Variants in UGGT2 observed in about 807,000 individuals in gnomAD.
UGGT2 encodes the protein UDP-glucose glycoprotein glucosyltransferase 2, also known as UDP-glucose:glycoprotein glucosyltransferase 2.
A neutral mutation model predicts 192.1 loss-of-function variants in UGGT2; 180 were observed. That is an observed-to-expected ratio of 0.94 (90% confidence interval 0.83 to 1.06). The LOEUF (loss-of-function observed/expected upper bound fraction) is 1.06. UGGT2 is among the 50% of genes least tolerant of loss of function. The pLI is 0.00. For missense variants in UGGT2, 1,849 were observed against 1,795.7 expected, an observed-to-expected ratio of 1.03 and a Z score of -0.54; for synonymous variants, 580 against 591.0, an observed-to-expected ratio of 0.98 and a Z score of 0.27.
At chr13:95,918,333 G>A (rs1054616153) in intron 20 of UGGT2, among the ~76,000 whole-genome samples, 1 of 152,144 alleles carries the variant, frequency 6.6e-6, no homozygotes, top group Non-Finnish European at 1.5e-5. Context: ...TGAAACTAAT[G>A]AGAACAAAGA....
intron 31 of UGGT2, 44 bp from the exon 32 acceptor site, chr13:95,860,927 G>T: frequency 1.6e-6 from 2 of 1,240,506 alleles, no homozygotes; most frequent in Non-Finnish European, 2.2e-6. Context: ...CATACATATG[G>T]AAACATTGTA....
intron 37 of UGGT2, among the ~76,000 whole-genome samples, chr13:95,836,608 A>G (rs916565101): frequency 1.3e-5 from 2 of 152,120 alleles, no homozygotes; most frequent in African/African-American, 2.4e-5. Flanking sequence ...AGACAGTGCT[A>G]TATGGTCACC....
At chr13:96,001,723 CAG>C (rs2051811409) in intron 5 of UGGT2, among the ~76,000 whole-genome samples, 2 of 152,110 alleles carry the variant, frequency 1.3e-5, no homozygotes, top group African/African-American at 2.4e-5. Flanking sequence ...TTACAAGAAA[CAG>C]ATATTTTATA....
chr13:95,887,982 G>C lies in UGGT2; in HGVS notation c.2959-11C>G, dbSNP rs1460403636. On this transcript the variant is annotated splice_polypyrimidine_tract_variant and intron_variant, in intron 25 of 38. Coordinates refer to ENST00000376747, the MANE Select transcript of UGGT2 (RefSeq NM_020121.4). Reference sequence around the variant, plus strand: ...AATCTTGCCAAGTACCTATTGGAAAGAAATTCCCATGTTTGATATTAAATA... The same window carrying C: ...AATCTTGCCAAGTACCTATTGGAAACAAATTCCCATGTTTGATATTAAATA... The C allele has an allele frequency of 2.6e-6, 4 of 1,561,476 alleles. No homozygotes were observed. The highest frequency in any genetic ancestry group is 4.5e-5 in the East Asian group (2 of 44,310).
intron 38 of UGGT2, among the ~76,000 whole-genome samples, chr13:95,830,807 T>C (rs1323678373): frequency 6.6e-6 from 1 of 152,226 alleles, no homozygotes. Flanking sequence ...TAAATCATGC[T>C]GCTATAAAGA....
intron 1 of UGGT2, among the ~76,000 whole-genome samples, chr13:96,042,178 T>C (rs1375908304): frequency 1.3e-5 from 2 of 152,268 alleles, no homozygotes; most frequent in East Asian, 1.9e-4. Context: ...AAGAGACCCA[T>C]AGACAGTTCA....
At chr13:95,909,682 G>T (rs1174200628) in intron 20 of UGGT2, among the ~76,000 whole-genome samples, 2 of 147,102 alleles carry the variant, frequency 1.4e-5, no homozygotes, top group Non-Finnish European at 3.0e-5. Context: ...CAGCGCACCA[G>T]CATGGCACAT....
At chr13:95,914,887 C>T (rs76767057) in intron 20 of UGGT2, among the ~76,000 whole-genome samples, 3,888 of 151,998 alleles carry the variant, frequency 0.026, 58 homozygotes, top group Non-Finnish European at 0.034. Context: ...ACTGATAGTT[C>T]TGATATAGAC....
In UGGT2 at chr13:95,932,311, T is replaced by TTGTGTGTGTGTGTGTGTG. The variant is rs67135742; in HGVS notation, c.1977+4595_1977+4612dup. Among the ~76,000 whole-genome samples, 204 of 139,500 alleles carry TTGTGTGTGTGTGTGTGTG rather than the reference T, an allele frequency of 1.5e-3. 2 individuals carry two copies. The highest frequency in any genetic ancestry group is 2.4e-3 in the Non-Finnish European group (159 of 65,222). The allele number at this position is 139,500 out of a possible 152,430, so 91.5% of individuals were successfully genotyped here. A position where few individuals can be genotyped will look rare whatever the true frequency, so the allele number is the denominator to read the frequency against. On this transcript the variant is annotated intron_variant, in intron 17 of 38. Coordinates refer to ENST00000376747, the MANE Select transcript of UGGT2 (RefSeq NM_020121.4). ...TTAGCTGTATTCCTAGGTATTTTAT[T>TTGTGTGTGTGTGTGTGTG]TGTGTGTGTGTGTGTGTGTGTGTGT...
At chr13:95,968,726 T>C (rs912104338) in intron 12 of UGGT2, among the ~76,000 whole-genome samples, 5 of 152,064 alleles carry the variant, frequency 3.3e-5, no homozygotes, top group Non-Finnish European at 1.5e-5. Flanking sequence ...TCAAGTAAAC[T>C]TCTTTTTTTT....
At chr13:95,902,789 C>T in intron 21 of UGGT2, 65 bp downstream of exon 21, 2 of 1,458,814 alleles carry the variant, frequency 1.4e-6, no homozygotes, top group African/African-American at 1.4e-5. Flanking sequence ...ACAATATCTC[C>T]AAATACACTC....
intron 4 of UGGT2, among the ~76,000 whole-genome samples, chr13:96,016,400 C>T (rs964355216): frequency 9.2e-5 from 14 of 152,192 alleles, no homozygotes; most frequent in Admixed American, 2.0e-4. Context: ...TCATACACTC[C>T]AAGGCCTAAA....
chr13:95,956,947 T>C (rs1370598310), intron 12 of UGGT2, among the ~76,000 whole-genome samples: 1 of 152,234 alleles, frequency 6.6e-6, no homozygotes, highest in Non-Finnish European at 1.5e-5. Context: ...AACAGATGAA[T>C]GGATAAACAA....
rs1249105696 is a variant in UGGT2 at position 95,887,068 on chromosome 13, A to AT, written c.3038+823dup. 5.3e-5 allele frequency among the ~76,000 whole-genome samples: 8 copies of AT among 152,288 alleles called. 1 individual carries two copies. The South Asian group carries it at 1.7e-3, about 32-fold the overall frequency. On this transcript the variant is annotated intron_variant, in intron 26 of 38. Transcript: ENST00000376747. ...GTCTCCAAAAAAAATAAAAATAAAAATAAAAAAAAGTTCTGCTCAAGGCAA... is the reference window on the plus strand; with the variant it reads ...GTCTCCAAAAAAAATAAAAATAAAAATTAAAAAAAAGTTCTGCTCAAGGCAA...
chr13:95,884,370 T>C (rs1172803418), intron 27 of UGGT2, 121 bp downstream of exon 27: 4 of 826,276 alleles, frequency 4.8e-6, no homozygotes, highest in Admixed American at 3.9e-5. Flanking sequence ...GGACCTAGAA[T>C]CATAAAAAAG....
chr13:95,915,228 A>T (rs528794235), intron 20 of UGGT2, among the ~76,000 whole-genome samples: 1 of 152,282 alleles, frequency 6.6e-6, no homozygotes, highest in East Asian at 1.9e-4. Flanking sequence ...CTGAAATGTC[A>T]TCTTCTCAAT....
intron 38 of UGGT2, among the ~76,000 whole-genome samples, chr13:95,826,607 C>G (rs1886070942): frequency 6.6e-6 from 1 of 151,652 alleles, no homozygotes; most frequent in Non-Finnish European, 1.5e-5. Context: ...GAGAAAAATT[C>G]CATTTATAAC....
intron 36 of UGGT2, among the ~76,000 whole-genome samples, chr13:95,848,043 C>T (rs1196724825): frequency 6.6e-6 from 1 of 152,264 alleles, no homozygotes; most frequent in South Asian, 2.1e-4. Flanking sequence ...ATTTGTGTAT[C>T]CCTGATGATA....
chr13:95,936,779 G>T, intron 17 of UGGT2, 145 bp downstream of exon 17: 1 of 846,382 alleles, frequency 1.2e-6, no homozygotes. Context: ...GGCTTAAGCT[G>T]CTAAAAGTAT....
Sources: gnomAD v4.1 joint callset for allele counts (sites outside exome capture counted in the v4.1 genomes callset) on GRCh38, gnomAD v4.1.1 for gene constraint, MANE v1.5 for transcripts, NCBI Gene and HGNC (gene_info 2026-07-23, HGNC 2026-07-21) for gene names.